The following ARK2C variants were observed in gnomAD, a reference collection of about 807,000 sequenced individuals.
The protein encoded by ARK2C is E3 ubiquitin-protein ligase ARK2C.
chr18:46,388,138 C>A, the ARK2C span, among the ~76,000 whole-genome samples: 1 of 152,180 alleles, frequency 6.6e-6, no homozygotes, highest in African/African-American at 2.4e-5. Context: ...TTTGGGATTA[C>A]AGCTGGGAGG....
chr18:46,382,918 G>A, the ARK2C span, among the ~76,000 whole-genome samples: 1 of 152,234 alleles, frequency 6.6e-6, no homozygotes, highest in African/African-American at 2.4e-5. Context: ...ATGAGCTCAT[G>A]TAGTCCCATC....
At chr18:46,441,531 T>C in the ARK2C span, among the ~76,000 whole-genome samples, 1 of 152,168 alleles carries the variant, frequency 6.6e-6, no homozygotes, top group Non-Finnish European at 1.5e-5. Flanking sequence ...ATTTGTATGT[T>C]CTCTCTTTCA....
the ARK2C span, among the ~76,000 whole-genome samples, chr18:46,359,116 C>T: frequency 1.3e-5 from 2 of 152,214 alleles, no homozygotes; most frequent in African/African-American, 2.4e-5. Context: ...TCATAGGGCT[C>T]CCATGAGAGG....
At chr18:46,360,836 C>T in the ARK2C span, among the ~76,000 whole-genome samples, 4 of 152,238 alleles carry the variant, frequency 2.6e-5, no homozygotes, top group African/African-American at 9.6e-5. Flanking sequence ...AAACACTGTT[C>T]AGCCTTGGGG....
chr18:46,446,516 CAA>C, the ARK2C span, among the ~76,000 whole-genome samples: 3 of 151,676 alleles, frequency 2.0e-5, no homozygotes, highest in Admixed American at 6.6e-5. Flanking sequence ...ACTAAAACTA[CAA>C]AAGTTATCCG....
the ARK2C span, among the ~76,000 whole-genome samples, chr18:46,440,108 G>A: frequency 4.6e-5 from 7 of 152,092 alleles, no homozygotes; most frequent in East Asian, 1.4e-3. Flanking sequence ...GATTACAGGC[G>A]TGAGCCACCA....
the ARK2C span, among the ~76,000 whole-genome samples, chr18:46,400,655 G>A: frequency 1.3e-5 from 2 of 152,262 alleles, no homozygotes; most frequent in Non-Finnish European, 2.9e-5. Context: ...GGAAGTTCCC[G>A]GGTGTGTCAG....
At chr18:46,393,157 G>C in the ARK2C span, among the ~76,000 whole-genome samples, 1 of 152,180 alleles carries the variant, frequency 6.6e-6, no homozygotes, top group Admixed American at 6.5e-5. Flanking sequence ...TACTGACATC[G>C]TGGGTCTGTT....
chr18:46,342,141 A>C, the ARK2C span, among the ~76,000 whole-genome samples: 1 of 152,200 alleles, frequency 6.6e-6, no homozygotes, highest in African/African-American at 2.4e-5. Flanking sequence ...TTAATTGAGA[A>C]TCAGAGGAGG....
At chr18:46,353,624 T>C in the ARK2C span, among the ~76,000 whole-genome samples, 11 of 152,202 alleles carry the variant, frequency 7.2e-5, no homozygotes, top group Non-Finnish European at 1.5e-5. Flanking sequence ...GGGAGGACTC[T>C]GAAAGTCAGA....
At chr18:46,449,194 A>T in the ARK2C span, among the ~76,000 whole-genome samples, 2 of 152,206 alleles carry the variant, frequency 1.3e-5, no homozygotes, top group African/African-American at 2.4e-5. Flanking sequence ...GCCCTGGGAC[A>T]TACAGTGAGC....
the ARK2C span, chr18:46,447,642 G>C: frequency 6.2e-7 from 1 of 1,614,018 alleles, no homozygotes; most frequent in African/African-American, 1.3e-5. Context: ...GCATTACCTA[G>C]CCACTCCTCG....
the ARK2C span, among the ~76,000 whole-genome samples, chr18:46,422,023 G>T: frequency 2.6e-5 from 4 of 152,178 alleles, no homozygotes; most frequent in Non-Finnish European, 5.9e-5. Context: ...GGCAGCCCTG[G>T]GGGCTAAGCC....
the ARK2C span, among the ~76,000 whole-genome samples, chr18:46,411,355 T>G: frequency 6.6e-6 from 1 of 152,216 alleles, no homozygotes; most frequent in African/African-American, 2.4e-5. Context: ...CCTCTGTACT[T>G]GGCCTTTGCA....
chr18:46,459,442 C>T, the ARK2C span: 2 of 152,258 alleles, frequency 1.3e-5, no homozygotes, highest in African/African-American at 4.8e-5. Context: ...TGGGCACACA[C>T]TCTGTTTCAG....
At chr18:46,336,608 T>G in the ARK2C span, 1 of 985,468 alleles carries the variant, frequency 1.0e-6, no homozygotes, top group African/African-American at 1.7e-5. Context: ...GTTTGCCAGC[T>G]TAAATCTGTT....
At chr18:46,454,110 CAAAAAA>C in the ARK2C span, among the ~76,000 whole-genome samples, 73 of 16,626 alleles carry the variant, frequency 4.4e-3, no homozygotes, top group African/African-American at 0.01. Flanking sequence ...AAGGCCGTCT[CAAAAAA>C]AAAAAAAAAA....
the ARK2C span, among the ~76,000 whole-genome samples, chr18:46,413,264 C>A: frequency 6.6e-6 from 1 of 152,148 alleles, no homozygotes; most frequent in African/African-American, 2.4e-5. Flanking sequence ...AGCAGCGTCG[C>A]TCAAGCCCAG....
the ARK2C span, among the ~76,000 whole-genome samples, chr18:46,452,626 C>T: frequency 6.6e-6 from 1 of 151,990 alleles, no homozygotes; most frequent in Non-Finnish European, 1.5e-5. Flanking sequence ...TACAAAATAA[C>T]ATTTATTATA....
Sources: allele counts gnomAD v4.1 joint callset (sites outside exome capture counted in the v4.1 genomes callset), GRCh38; gene constraint gnomAD v4.1.1; transcripts MANE v1.5; gene names NCBI Gene and HGNC (gene_info 2026-07-23, HGNC 2026-07-21).